Variants in TACR1 observed in about 807,000 individuals in gnomAD.
TACR1 encodes substance-P receptor.
TACR1 carries 25 observed loss-of-function variants against 35.8 expected under a neutral mutation model. The ratio of observed to expected loss-of-function variants is 0.70; its 90% confidence interval spans 0.51 to 0.98. TACR1 has a LOEUF of 0.98. Ranked by LOEUF, TACR1 falls within the 50% of genes least tolerant of loss-of-function variation. The pLI, the probability that TACR1 is intolerant of heterozygous loss-of-function variation, is 0.00. For missense variants in TACR1, 478 were observed against 522.9 expected (o/e 0.91, Z 0.84); for synonymous variants, 195 against 206.7 (o/e 0.94, Z 0.48).
chr2:75,064,212 A>G (rs1163493945), intron 2 of TACR1, among the ~76,000 whole-genome samples: 1 of 152,186 alleles, frequency 6.6e-6, no homozygotes, highest in East Asian at 1.9e-4. Context: ...TCCCTCACCC[A>G]CACTCCTCCT....
intron 1 of TACR1, among the ~76,000 whole-genome samples, chr2:75,126,703 A>T (rs1329827008): frequency 6.6e-6 from 1 of 152,216 alleles, no homozygotes; most frequent in African/African-American, 2.4e-5. Context: ...GAGCATACAG[A>T]CAGCCTACAG....
chr2:75,060,635 T>C (rs1227294167), intron 2 of TACR1, among the ~76,000 whole-genome samples: 3 of 152,098 alleles, frequency 2.0e-5, no homozygotes, highest in Non-Finnish European at 4.4e-5. Context: ...TGGAGAGTTG[T>C]GATTTATTTT....
chr2:75,154,520 A>C (rs995046917), intron 1 of TACR1: 2 of 145,816 alleles, frequency 1.4e-5, no homozygotes, highest in African/African-American at 2.6e-5. Context: ...ACACACACAC[A>C]CACACACTCT....
At chr2:75,183,658 C>T (rs949569354) in intron 1 of TACR1, among the ~76,000 whole-genome samples, 2 of 152,104 alleles carry the variant, frequency 1.3e-5, no homozygotes, top group Non-Finnish European at 2.9e-5. Context: ...CTGCTCTGTC[C>T]GAAGCTGGCT....
intron 1 of TACR1, chr2:75,156,390 C>A (rs981893190): frequency 7.0e-6 from 1 of 143,074 alleles, no homozygotes; most frequent in Non-Finnish European, 1.5e-5. Context: ...CCAGGGCGGG[C>A]GGATCACAAG....
At chr2:75,135,095 T>C (rs1386087931) in intron 1 of TACR1, among the ~76,000 whole-genome samples, 5 of 152,322 alleles carry the variant, frequency 3.3e-5, no homozygotes, top group Non-Finnish European at 4.4e-5. Flanking sequence ...ACTGGTGATA[T>C]AGGACTTCCT....
intron 1 of TACR1, among the ~76,000 whole-genome samples, chr2:75,190,498 G>T (rs1039664833): frequency 6.6e-6 from 1 of 152,202 alleles, no homozygotes; most frequent in Non-Finnish European, 1.5e-5. Flanking sequence ...TGTACTTGAT[G>T]TAGAAGGAAT....
intron 1 of TACR1, among the ~76,000 whole-genome samples, chr2:75,147,584 C>T (rs1462120803): frequency 1.3e-5 from 2 of 152,098 alleles, no homozygotes; most frequent in East Asian, 3.9e-4. Context: ...CCACAGGCCC[C>T]AGCATGTGTT....
At position 75,128,953 on chromosome 2, in the gene TACR1, A is replaced by G. The variant is rs1225487049; in HGVS notation, c.390-8185T>C. Among the ~76,000 whole-genome samples the G allele has an allele frequency of 9.2e-5, 14 of 152,312 alleles. No homozygotes were observed. The East Asian group carries it at 2.7e-3, about 29-fold the overall frequency. On this transcript the variant is annotated intron_variant, in intron 1 of 4. Coordinates refer to ENST00000305249, the MANE Select transcript of TACR1 (RefSeq NM_001058.4). ...TGGGACAAACTAGATCCTTTGTGAC[A>G]TTGACCTGTTTGCGATTTAGAGCTA...
chr2:75,151,932 T>C (rs1378669021), intron 1 of TACR1, among the ~76,000 whole-genome samples: 1 of 152,214 alleles, frequency 6.6e-6, no homozygotes, highest in African/African-American at 2.4e-5. Flanking sequence ...GAGATCATTC[T>C]GGAACTTTAA....
chr2:75,083,968 A>G (rs910954759), intron 2 of TACR1, among the ~76,000 whole-genome samples: 3 of 151,820 alleles, frequency 2.0e-5, no homozygotes, highest in African/African-American at 7.3e-5. Flanking sequence ...ACTATGTTGA[A>G]TAGGAGTGGT....
chr2:75,137,401 C>T lies in TACR1; in HGVS notation c.390-16633G>A, dbSNP rs1231918081. 2.0e-5 allele frequency among the ~76,000 whole-genome samples: 3 copies of T among 152,128 alleles called. No individual in the cohort carries two copies. The East Asian group carries it at 5.8e-4, about 29-fold the overall frequency. ...TGGTGCGCCCTCCAATCCCCTGAAT[C>T]TTCTAGGTCCAAGATAAAATATTTC... On this transcript the variant is annotated intron_variant, in intron 1 of 4. Coordinates refer to ENST00000305249, the MANE Select transcript of TACR1 (RefSeq NM_001058.4).
At chr2:75,141,481 T>C (rs1040952510) in intron 1 of TACR1, among the ~76,000 whole-genome samples, 1 of 151,896 alleles carries the variant, frequency 6.6e-6, no homozygotes, top group Non-Finnish European at 1.5e-5. Context: ...AGCATAGGAA[T>C]TACAGCTCTG....
intron 2 of TACR1, among the ~76,000 whole-genome samples, chr2:75,101,941 C>G (rs115451613): frequency 0.022 from 3,320 of 151,566 alleles, 116 homozygotes; most frequent in African/African-American, 0.075. Context: ...GAGACTCTGT[C>G]TCTCCAAAAA....
rs538964228 is a variant in TACR1 at position 75,065,426 on chromosome 2, C to T, written c.585-11671G>A. Among the ~76,000 whole-genome samples, 3 of 152,316 alleles carry T rather than the reference C, an allele frequency of 2.0e-5. No individual in the cohort carries two copies. In the South Asian group the frequency reaches 6.2e-4, roughly 32 times the overall value. On this transcript the variant is annotated intron_variant, in intron 2 of 4. Coordinates refer to ENST00000305249, the MANE Select transcript of TACR1 (RefSeq NM_001058.4). ...CTCTGAGTATCAGTGGGTACTGATA[C>T]ATGTTTTGCTGATATAATCCACCCA...
intron 1 of TACR1, among the ~76,000 whole-genome samples, chr2:75,176,742 A>C (rs1399448810): frequency 4.6e-5 from 7 of 152,174 alleles, no homozygotes; most frequent in Non-Finnish European, 1.0e-4. Context: ...TCTAATGTCA[A>C]GTAGGAAACT....
At chr2:75,055,406 G>A (rs551421357) in intron 2 of TACR1, among the ~76,000 whole-genome samples, 6 of 152,312 alleles carry the variant, frequency 3.9e-5, no homozygotes, top group South Asian at 4.1e-4. Flanking sequence ...CTGAATTGTC[G>A]CCTCCTTTGG....
chr2:75,077,265 C>A (rs150896746), intron 2 of TACR1, among the ~76,000 whole-genome samples: 4 of 152,240 alleles, frequency 2.6e-5, no homozygotes, highest in Non-Finnish European at 5.9e-5. Context: ...CCACCGCACC[C>A]GGCCTATTAT....
rs536009299 is a variant in TACR1, at chr2:75,176,317, C to T, written c.389+22229G>A. On this transcript the variant is annotated intron_variant, in intron 1 of 4. Coordinates refer to ENST00000305249, the MANE Select transcript of TACR1 (RefSeq NM_001058.4). The stretch of plus-strand genomic sequence containing the variant: ...ATTTTTTTCATTATAGTAAAGGAGA[C>T]ATTATACATTTTTTTTTTTTTAAGT... Among the ~76,000 whole-genome samples, 30 of 150,364 alleles carry T rather than the reference C, an allele frequency of 2.0e-4. 1 individual carries two copies. The highest frequency in any genetic ancestry group is 1.3e-3 in the South Asian group (6 of 4,768).
Sources: gnomAD v4.1 joint callset for allele counts (sites outside exome capture counted in the v4.1 genomes callset) on GRCh38, gnomAD v4.1.1 for gene constraint, MANE v1.5 for transcripts, NCBI Gene and HGNC (gene_info 2026-07-23, HGNC 2026-07-21) for gene names.